Variants in XKR9 observed in about 807,000 individuals in gnomAD.
XKR9 encodes the protein XK-related protein 9.
Under a neutral mutation model 32.0 loss-of-function variants are expected in XKR9, and 32 were observed. That is an observed-to-expected ratio of 1.00 (90% CI 0.76 to 1.34). The LOEUF is 1.34. XKR9 is among the 40% of genes most tolerant of loss of function. The pLI, the probability that XKR9 is intolerant of heterozygous loss-of-function variation, is 0.00. For missense variants in XKR9, 546 were observed against 429.7 expected (o/e 1.27, Z -2.39); for synonymous variants, 168 against 143.4 (o/e 1.17, Z -1.22).
rs1019133526 is a variant in XKR9 at position 70,696,317 on chromosome 8, C to T, written c.273-10616C>T. 5.9e-3 allele frequency among the ~76,000 whole-genome samples: 891 copies of T among 152,116 alleles called. 3 individuals carry two copies. The highest frequency in any genetic ancestry group is 9.6e-3 in the Non-Finnish European group (655 of 67,988). On this transcript the variant is annotated intron_variant, in intron 3 of 4. Transcript: ENST00000408926. ...CTTCTAGGGATTTTATGGTTTTAGG[C>T]CTAACATGTAAGTCTTTAATCCATC...
At chr8:70,721,417 T>C (rs1806277621) in intron 4 of XKR9, among the ~76,000 whole-genome samples, 2 of 152,104 alleles carry the variant, frequency 1.3e-5, no homozygotes, top group Admixed American at 1.3e-4. Flanking sequence ...TAGATTTTTC[T>C]CAGTTTCTGA....
rs985138117 is a variant in XKR9, at chr8:70,691,218, G to C, written c.272+9888G>C. Among the ~76,000 whole-genome samples the C allele has an allele frequency of 7.2e-5, 11 of 152,196 alleles. No homozygotes were observed. The East Asian group carries it at 1.5e-3, about 21-fold the overall frequency. On this transcript the variant is annotated intron_variant, in intron 3 of 4. Coordinates refer to ENST00000408926, the MANE Select transcript of XKR9 (RefSeq NM_001011720.2). ...GCCACATGTATGTCTTCTTTTGAGA[G>C]GGGTCTGTTCATGTCCTTTGCCCAC...
the XKR9 span, among the ~76,000 whole-genome samples, chr8:70,990,733 A>AG: frequency 1.4e-5 from 2 of 143,192 alleles, no homozygotes; most frequent in Non-Finnish European, 3.0e-5. Context: ...TTGGCAGAAT[A>AG]AGAGAGAGAG....
the XKR9 span, among the ~76,000 whole-genome samples, chr8:70,950,412 A>T: frequency 6.6e-6 from 1 of 152,114 alleles, no homozygotes; most frequent in Admixed American, 6.6e-5. Flanking sequence ...TTATCTAGGC[A>T]AAGAGGGGAA....
chr8:70,751,062 G>A (rs1049651464), intron 2 of XKR9, among the ~76,000 whole-genome samples: 2 of 152,142 alleles, frequency 1.3e-5, no homozygotes, highest in Non-Finnish European at 2.9e-5. Flanking sequence ...TGCAGTATTG[G>A]CTCATGCTAT....
intron 2 of XKR9, among the ~76,000 whole-genome samples, chr8:70,788,025 A>C (rs1807711445): frequency 6.6e-6 from 1 of 152,084 alleles, no homozygotes; most frequent in Non-Finnish European, 1.5e-5. Flanking sequence ...TAATATTTTG[A>C]ATATCCAAAC....
At chr8:70,739,897 A>C (rs1304931516), downstream of XKR9, among the ~76,000 whole-genome samples, 1 of 152,082 alleles carries the variant, frequency 6.6e-6, no homozygotes, top group African/African-American at 2.4e-5. Context: ...GGCTGCCCTT[A>C]ACATTTTTTC....
chr8:70,875,785 A>C, the XKR9 span, among the ~76,000 whole-genome samples: 1 of 152,238 alleles, frequency 6.6e-6, no homozygotes, highest in African/African-American at 2.4e-5. Context: ...CAGTTTTTGC[A>C]TTCCTAAAGA....
intron 2 of XKR9, among the ~76,000 whole-genome samples, chr8:70,783,927 T>A (rs1237240494): frequency 2.0e-5 from 3 of 152,172 alleles, no homozygotes; most frequent in Non-Finnish European, 2.9e-5. Context: ...ATGTGGACAT[T>A]CAATTTTCCC....
At chr8:70,714,935 A>G (rs1318655711) in intron 4 of XKR9, among the ~76,000 whole-genome samples, 2 of 152,184 alleles carry the variant, frequency 1.3e-5, no homozygotes, top group Admixed American at 6.5e-5. Flanking sequence ...TAGTTTGACA[A>G]TGGCACAAAA....
intron 2 of XKR9, among the ~76,000 whole-genome samples, chr8:70,773,977 ATTT>A (rs1303678536): frequency 7.1e-6 from 1 of 141,336 alleles, no homozygotes; most frequent in African/African-American, 2.5e-5. Context: ...TGTTGGCATC[ATTT>A]TTTAATACTT....
the XKR9 span, among the ~76,000 whole-genome samples, chr8:70,905,675 C>T: frequency 6.6e-6 from 1 of 152,188 alleles, no homozygotes; most frequent in Non-Finnish European, 1.5e-5. Flanking sequence ...TGGCAAGGAG[C>T]TGCGTTCCTT....
intron 2 of XKR9, among the ~76,000 whole-genome samples, chr8:70,741,625 TTATC>T (rs756111042): frequency 5.9e-5 from 9 of 152,224 alleles, no homozygotes; most frequent in Non-Finnish European, 1.0e-4. Flanking sequence ...CACATTTTGT[TTATC>T]CATTCATTCA....
At chr8:70,980,257 G>T in the XKR9 span, among the ~76,000 whole-genome samples, 1 of 152,204 alleles carries the variant, frequency 6.6e-6, no homozygotes, top group Non-Finnish European at 1.5e-5. Flanking sequence ...CTCACCCTCT[G>T]TGGGCTGCAC....
chr8:70,806,002 C>T, the XKR9 span, among the ~76,000 whole-genome samples: 3 of 152,126 alleles, frequency 2.0e-5, no homozygotes, highest in Non-Finnish European at 4.4e-5. Context: ...CAGGAGCAAT[C>T]CTACTGGCAT....
chr8:70,826,772 C>T, the XKR9 span, among the ~76,000 whole-genome samples: 3 of 151,980 alleles, frequency 2.0e-5, no homozygotes, highest in East Asian at 1.9e-4. Flanking sequence ...ATATAGGTAA[C>T]GATGAACTCA....
downstream of XKR9, among the ~76,000 whole-genome samples, chr8:70,737,057 G>A (rs1586875618): frequency 6.6e-6 from 1 of 151,610 alleles, no homozygotes; most frequent in East Asian, 1.9e-4. Context: ...ATTACCTTCG[G>A]CAGTATGGCC....
the XKR9 span, among the ~76,000 whole-genome samples, chr8:70,796,039 G>T: frequency 6.6e-6 from 1 of 151,438 alleles, no homozygotes; most frequent in Non-Finnish European, 1.5e-5. Flanking sequence ...CTTGTTATAG[G>T]TCTATTGAGA....
At chr8:71,039,231 C>T in the XKR9 span, among the ~76,000 whole-genome samples, 1 of 152,172 alleles carries the variant, frequency 6.6e-6, no homozygotes, top group Non-Finnish European at 1.5e-5. Flanking sequence ...AAAGATGCTT[C>T]TCAACTTATA....
Sources: gnomAD v4.1 joint callset for allele counts (sites outside exome capture counted in the v4.1 genomes callset) on GRCh38, gnomAD v4.1.1 for gene constraint, MANE v1.5 for transcripts, NCBI Gene and HGNC (gene_info 2026-07-23, HGNC 2026-07-21) for gene names.